Variants in ZNF438 observed in about 807,000 individuals in gnomAD.
ZNF438 encodes the protein zinc finger protein 438.
ZNF438 carries 25 observed loss-of-function variants against 38.0 expected under a neutral mutation model. That is an observed-to-expected ratio of 0.66 (90% CI 0.48 to 0.92). The LOEUF (loss-of-function observed/expected upper bound fraction) is 0.92. ZNF438 is among the 40% of genes least tolerant of loss of function. The pLI, the probability that ZNF438 is intolerant of heterozygous loss-of-function variation, is 0.00. For synonymous variants in ZNF438, 372 were observed against 364.1 expected (o/e 1.02, Z -0.25); for missense variants, 1,007 against 999.6 (o/e 1.01, Z -0.10).
chr10:31,009,842 C>CTTTT (rs34508005), intron 1 of ZNF438, among the ~76,000 whole-genome samples: 20 of 116,290 alleles, frequency 1.7e-4, no homozygotes, highest in Non-Finnish European at 2.3e-4. Context: ...CTTATCAATT[C>CTTTT]TTTTTTTTTT....
chr10:31,017,773 T>A (rs1201496473), intron 1 of ZNF438, among the ~76,000 whole-genome samples: 1 of 152,228 alleles, frequency 6.6e-6, no homozygotes, highest in Non-Finnish European at 1.5e-5. Flanking sequence ...CCTTCTGACC[T>A]GACTGATTTC....
chr10:31,004,551 G>T (rs2054942737), intron 1 of ZNF438, among the ~76,000 whole-genome samples: 1 of 152,180 alleles, frequency 6.6e-6, no homozygotes, highest in Admixed American at 6.5e-5. Context: ...AAGAATGAAG[G>T]CAGTATGCTG....
At chr10:30,963,161 G>A (rs2049693712) in intron 1 of ZNF438, among the ~76,000 whole-genome samples, 1 of 152,110 alleles carries the variant, frequency 6.6e-6, no homozygotes, top group Non-Finnish European at 1.5e-5. Context: ...GGAGGCCAAG[G>A]TGGGCAGATC....
intron 1 of ZNF438, among the ~76,000 whole-genome samples, chr10:30,948,176 G>A (rs998660576): frequency 1.3e-5 from 2 of 152,190 alleles, no homozygotes; most frequent in Non-Finnish European, 2.9e-5. Flanking sequence ...CAACAGACCT[G>A]CAGCTGAGGG....
intron 2 of ZNF438, among the ~76,000 whole-genome samples, chr10:30,915,137 C>T (rs2043470731): frequency 6.6e-6 from 1 of 151,876 alleles, no homozygotes; most frequent in African/African-American, 2.4e-5. Context: ...ATCAGTCAGA[C>T]TCTTTAAAAA....
At chr10:30,986,237 T>C (rs927340454) in intron 1 of ZNF438, among the ~76,000 whole-genome samples, 4 of 152,224 alleles carry the variant, frequency 2.6e-5, no homozygotes, top group African/African-American at 4.8e-5. Context: ...TCACTAACAC[T>C]GAACTCATAG....
intron 3 of ZNF438, among the ~76,000 whole-genome samples, chr10:30,902,151 A>C (rs934709091): frequency 6.6e-6 from 1 of 152,092 alleles, no homozygotes; most frequent in African/African-American, 2.4e-5. Context: ...CATGGCTGGG[A>C]CTGGCAGCCT....
chr10:30,922,867 T>C (rs1472621890), intron 2 of ZNF438, among the ~76,000 whole-genome samples: 1 of 151,774 alleles, frequency 6.6e-6, no homozygotes, highest in Non-Finnish European at 1.5e-5. Context: ...AAAACCATTG[T>C]CTAAAAATTG....
intron 4 of ZNF438, among the ~76,000 whole-genome samples, chr10:30,860,041 C>A (rs2035321175): frequency 6.6e-6 from 1 of 152,154 alleles, no homozygotes; most frequent in South Asian, 2.1e-4. Flanking sequence ...TAGAATCCCT[C>A]TTCCCCAAGG....
intron 1 of ZNF438, among the ~76,000 whole-genome samples, chr10:31,030,826 G>A (rs1429848351): frequency 1.3e-5 from 2 of 152,164 alleles, no homozygotes; most frequent in African/African-American, 4.8e-5. Flanking sequence ...ATAACTAATC[G>A]ATAATGTAGT....
At chr10:30,846,677 C>T (rs906845587) in intron 5 of ZNF438, among the ~76,000 whole-genome samples, 3 of 152,190 alleles carry the variant, frequency 2.0e-5, no homozygotes, top group Non-Finnish European at 4.4e-5. Context: ...GTGACCCAGG[C>T]ACCCCTGTGC....
chr10:30,853,190 G>T (rs1045408967), intron 4 of ZNF438, among the ~76,000 whole-genome samples: 1 of 152,226 alleles, frequency 6.6e-6, no homozygotes, highest in African/African-American at 2.4e-5. Flanking sequence ...TTTATCACTA[G>T]TTCTTCCTCC....
chr10:30,992,625 C>T (rs1414353455), intron 1 of ZNF438, among the ~76,000 whole-genome samples: 1 of 152,166 alleles, frequency 6.6e-6, no homozygotes, highest in Non-Finnish European at 1.5e-5. Context: ...GTTGGCCAGG[C>T]TGGTCTCAAA....
chr10:30,974,812 A>G (rs2051153518), intron 1 of ZNF438, among the ~76,000 whole-genome samples: 1 of 152,232 alleles, frequency 6.6e-6, no homozygotes, highest in South Asian at 2.1e-4. Context: ...CAGATTCCTC[A>G]TTTAATAAAT....
chr10:31,028,834 C>A (rs565909890), intron 1 of ZNF438, among the ~76,000 whole-genome samples: 1 of 152,282 alleles, frequency 6.6e-6, no homozygotes, highest in African/African-American at 2.4e-5. Context: ...AGAGACAGAC[C>A]TTGCCCCTAC....
intron 1 of ZNF438, among the ~76,000 whole-genome samples, chr10:31,011,390 C>G (rs1047096990): frequency 6.6e-6 from 1 of 152,214 alleles, no homozygotes; most frequent in Non-Finnish European, 1.5e-5. Flanking sequence ...TCAAAGTTTT[C>G]TGCAGACTGA....
At chr10:30,948,937 A>G (rs1298976636) in intron 1 of ZNF438, among the ~76,000 whole-genome samples, 1 of 152,148 alleles carries the variant, frequency 6.6e-6, no homozygotes, top group African/African-American at 2.4e-5. Flanking sequence ...CAACTCCAAG[A>G]CACATAATTG....
At chr10:30,891,195 T>A (rs10826889) in intron 3 of ZNF438, among the ~76,000 whole-genome samples, 1 of 151,928 alleles carries the variant, frequency 6.6e-6, no homozygotes, top group African/African-American at 2.4e-5. Flanking sequence ...ATTATTTTTC[T>A]AAGATTTCCT....
chr10:30,947,451 G>C (rs2047551366), intron 1 of ZNF438, among the ~76,000 whole-genome samples: 1 of 152,264 alleles, frequency 6.6e-6, no homozygotes. Context: ...GGACATTTAA[G>C]TCTGCAGAGG....
Sources: gnomAD v4.1 joint callset for allele counts (sites outside exome capture counted in the v4.1 genomes callset) on GRCh38, gnomAD v4.1.1 for gene constraint, MANE v1.5 for transcripts, NCBI Gene and HGNC (gene_info 2026-07-23, HGNC 2026-07-21) for gene names.